EXOC4: variants seen among roughly 807,000 people sequenced by gnomAD.
The protein encoded by EXOC4 is SEC8-like 1.
Under a neutral mutation model 107.2 loss-of-function variants are expected in EXOC4, and 71 were observed. The observed-to-expected ratio is 0.66, with a 90% confidence interval of 0.55 to 0.81. The LOEUF (loss-of-function observed/expected upper bound fraction) is 0.81, where lower values mean the gene tolerates loss of function less well. EXOC4 is among the 30% of genes least tolerant of loss of function. EXOC4 has a pLI of 0.00. For synonymous variants in EXOC4, 456 were observed against 441.2 expected, an observed-to-expected ratio of 1.03 and a Z score of -0.42; for missense variants, 1,108 against 1,189.6, an observed-to-expected ratio of 0.93 and a Z score of 1.01.
intron 9 of EXOC4, among the ~76,000 whole-genome samples, chr7:133,512,618 A>G (rs1047756735): frequency 1.3e-5 from 2 of 152,090 alleles, no homozygotes; most frequent in African/African-American, 4.8e-5. Flanking sequence ...CGCACAAGAA[A>G]TTGAAAGAAG....
At chr7:133,365,216 A>G (rs1057036721) in intron 6 of EXOC4, among the ~76,000 whole-genome samples, 2 of 152,214 alleles carry the variant, frequency 1.3e-5, no homozygotes, top group African/African-American at 2.4e-5. Flanking sequence ...ACAACAAAGC[A>G]CTTGTACTAA....
At chr7:133,727,866 T>G (rs1280041595) in intron 10 of EXOC4, 1 of 152,272 alleles carries the variant, frequency 6.6e-6, no homozygotes, top group African/African-American at 2.4e-5. Context: ...TTTACCACTT[T>G]CCCTTGTGAA....
intron 9 of EXOC4, among the ~76,000 whole-genome samples, chr7:133,603,605 A>C (rs1801861378): frequency 6.6e-6 from 1 of 152,230 alleles, no homozygotes; most frequent in Non-Finnish European, 1.5e-5. Context: ...CAATTGTAAC[A>C]AAACGGGTAT....
At chr7:133,829,730 C>T (rs918987312) in intron 11 of EXOC4, among the ~76,000 whole-genome samples, 2 of 152,206 alleles carry the variant, frequency 1.3e-5, no homozygotes, top group Non-Finnish European at 1.5e-5. Flanking sequence ...GCCATCTTGG[C>T]TTTAGCACAC....
intron 10 of EXOC4, among the ~76,000 whole-genome samples, chr7:133,635,394 C>T (rs895280815): frequency 6.6e-6 from 1 of 152,064 alleles, no homozygotes; most frequent in African/African-American, 2.4e-5. Flanking sequence ...ATTCTTTATT[C>T]TCTCCAAGTC....
At chr7:134,036,272 C>G (rs1252484510) in intron 17 of EXOC4, among the ~76,000 whole-genome samples, 1 of 152,168 alleles carries the variant, frequency 6.6e-6, no homozygotes, top group African/African-American at 2.4e-5. Context: ...ATCCTTCTCT[C>G]CAGCTTATGT....
In EXOC4 at chr7:133,297,028, T is replaced by C. The variant is rs139988487; in HGVS notation, c.471+7912T>C. On this transcript the variant is annotated intron_variant, in intron 3 of 17. Transcript: ENST00000253861. ...TGGAATTCAGCAAAACTTATTGTCCTTGTCTTCATTTAGCAACAGTGGTAA... is the reference window on the plus strand; with the variant it reads ...TGGAATTCAGCAAAACTTATTGTCCCTGTCTTCATTTAGCAACAGTGGTAA... 1.8e-4 allele frequency among the ~76,000 whole-genome samples: 28 copies of C among 152,338 alleles called. No homozygotes were observed. In the East Asian group the frequency reaches 5.2e-3, roughly 28 times the overall value.
At chr7:133,253,208 G>C in intron 1 of EXOC4, 21 bp downstream of exon 1, 2 of 1,611,638 alleles carry the variant, frequency 1.2e-6, no homozygotes, top group Non-Finnish European at 1.7e-6. Context: ...CAGGAGGCAG[G>C]GTCTGGGGAC....
chr7:133,992,363 A>G (rs1437727161), intron 14 of EXOC4, among the ~76,000 whole-genome samples: 1 of 152,056 alleles, frequency 6.6e-6, no homozygotes, highest in Non-Finnish European at 1.5e-5. Flanking sequence ...GCTCACTGCA[A>G]CTTCTGCCTC....
At chr7:133,567,739 C>T (rs919499476) in intron 9 of EXOC4, among the ~76,000 whole-genome samples, 7 of 152,060 alleles carry the variant, frequency 4.6e-5, no homozygotes, top group South Asian at 2.1e-4. Context: ...AGGGTCATTC[C>T]GTAGCAGAAA....
At chr7:133,801,101 A>G (rs917847004) in intron 10 of EXOC4, among the ~76,000 whole-genome samples, 2 of 152,182 alleles carry the variant, frequency 1.3e-5, no homozygotes, top group Admixed American at 6.5e-5. Context: ...TTAGTATCTC[A>G]TTCTGTCACC....
chr7:133,346,958 C>T (rs1277065040), intron 5 of EXOC4, among the ~76,000 whole-genome samples: 4 of 152,006 alleles, frequency 2.6e-5, no homozygotes, highest in Non-Finnish European at 5.9e-5. Flanking sequence ...CACCAGGGCC[C>T]TTATTTTCTG....
intron 11 of EXOC4, among the ~76,000 whole-genome samples, chr7:133,875,720 C>A (rs182169982): frequency 2.6e-5 from 4 of 152,278 alleles, no homozygotes; most frequent in African/African-American, 9.6e-5. Flanking sequence ...CCACACACTA[C>A]CTTCACAGCT....
intron 10 of EXOC4, among the ~76,000 whole-genome samples, chr7:133,760,836 A>G (rs931437967): frequency 2.0e-5 from 3 of 152,198 alleles, no homozygotes; most frequent in Non-Finnish European, 4.4e-5. Context: ...CTGTGTAACA[A>G]AAGTATTTCC....
At chr7:133,745,900 T>A (rs1279811889) in intron 10 of EXOC4, among the ~76,000 whole-genome samples, 1 of 152,118 alleles carries the variant, frequency 6.6e-6, no homozygotes, top group Non-Finnish European at 1.5e-5. Flanking sequence ...AGACTTCTCT[T>A]CAATAAGTAC....
intron 9 of EXOC4, among the ~76,000 whole-genome samples, chr7:133,582,568 G>A (rs1296847438): frequency 6.6e-6 from 1 of 151,890 alleles, no homozygotes; most frequent in Non-Finnish European, 1.5e-5. Flanking sequence ...TCCTTATGGG[G>A]TCACAATTGC....
At chr7:133,309,058 A>G (rs1031793986) in intron 4 of EXOC4, among the ~76,000 whole-genome samples, 8 of 152,112 alleles carry the variant, frequency 5.3e-5, no homozygotes, top group African/African-American at 1.9e-4. Context: ...TTTACTTTCT[A>G]TCTGGGACAT....
intron 7 of EXOC4, among the ~76,000 whole-genome samples, chr7:133,449,174 G>T (rs1429742337): frequency 1.3e-5 from 2 of 152,104 alleles, no homozygotes; most frequent in Non-Finnish European, 2.9e-5. Context: ...GGAATGCCAT[G>T]TAATGATGGA....
chr7:133,462,661 C>T (rs1322542040), intron 7 of EXOC4, among the ~76,000 whole-genome samples: 1 of 151,960 alleles, frequency 6.6e-6, no homozygotes, highest in African/African-American at 2.4e-5. Context: ...GATCTCATAC[C>T]CCAAGCTTTA....
Sources: gnomAD v4.1 joint callset for allele counts (sites outside exome capture counted in the v4.1 genomes callset) on GRCh38, gnomAD v4.1.1 for gene constraint, MANE v1.5 for transcripts, NCBI Gene and HGNC (gene_info 2026-07-23, HGNC 2026-07-21) for gene names.